EPOR: variants seen among roughly 807,000 people sequenced by gnomAD.
EPOR encodes erythropoietin receptor.
A neutral mutation model predicts 34.3 loss-of-function variants in EPOR; 20 were observed. The observed-to-expected ratio is 0.58, with a 90% CI of 0.41 to 0.85. The LOEUF (loss-of-function observed/expected upper bound fraction) is 0.85. EPOR is among the 40% of genes least tolerant of loss of function. The probability of loss-of-function intolerance (pLI) is 0.00; values close to 1 mark genes in which losing one functional copy is unlikely to be tolerated. For synonymous variants in EPOR, 312 were observed against 299.0 expected, an observed-to-expected ratio of 1.04 and a Z score of -0.45; for missense variants, 601 against 672.7, an observed-to-expected ratio of 0.89 and a Z score of 1.18.
At position 11,381,569 on chromosome 19, in the gene EPOR, G is replaced by A; in HGVS notation, c.585+123C>T. The stretch of plus-strand genomic sequence containing the variant: ...GGGCGTGGAACGGTCTTCAGCACCA[G>A]GGTAATGGGATGTGGGATGTTACGG... On this transcript the variant is annotated intron_variant, in intron 4 of 7. Transcript: ENST00000222139. This position sits in a 1 kb window ranked among gnomAD's most constrained non-coding sequence, Gnocchi z 5.3. 1 of 1,024,120 alleles carries A rather than the reference G, an allele frequency of 9.8e-7. No individual in the cohort carries two copies. Among genetic ancestry groups the A allele is most frequent in the Non-Finnish European group, 1.4e-6 (1 of 698,808 alleles). 63.4% of individuals were successfully genotyped at this position (1,024,120 alleles called of 1,614,324 possible). A position where few individuals can be genotyped will look rare whatever the true frequency, so the allele number is the denominator to read the frequency against.
At chr19:11,382,154 G>A (rs1568329909) in intron 2 of EPOR, 49 bp from the exon 3 acceptor site, 1 of 1,513,884 alleles carries the variant, frequency 6.6e-7, no homozygotes, top group South Asian at 1.1e-5. Flanking sequence ...CCGGGGAGTT[G>A]GCATTGCCCG....
Position 11,383,395 on chromosome 19 carries a change from C to A in EPOR, c.116-163G>T. Reference sequence around the variant, plus strand: ...CTTGGAGGGGTCCGCAGAGGTGGTGCCCCCCTAATTCCCAGGGGCAAGTTT... The same window carrying A: ...CTTGGAGGGGTCCGCAGAGGTGGTGACCCCCTAATTCCCAGGGGCAAGTTT... On this transcript the variant is annotated intron_variant, in intron 1 of 7. Transcript: ENST00000222139. This position sits in a 1 kb window ranked among gnomAD's most constrained non-coding sequence, Gnocchi z 4.9. 1.5e-6 allele frequency: 1 copy of A among 670,748 alleles called. No homozygotes were observed. The highest frequency in any genetic ancestry group is 2.4e-6 in the Non-Finnish European group (1 of 410,730). The allele number at this position is 670,748 out of a possible 1,614,324, so 41.5% of individuals were successfully genotyped here.
Position 11,378,372 on chromosome 19 carries a change from G to T in EPOR, c.1139C>A (p.Pro380Gln). The T allele has an allele frequency of 1.2e-6, 2 of 1,613,336 alleles. No homozygotes were observed. Among genetic ancestry groups the T allele is most frequent in the Non-Finnish European group, 1.7e-6 (2 of 1,180,002 alleles). Residue 380 changes from proline to glutamine, a missense_variant, in exon 8 of 8, where the codon CCG (proline) becomes CAG (glutamine). Transcript: ENST00000222139. This position sits in a 1 kb window ranked among gnomAD's most constrained non-coding sequence, Gnocchi z 5.3. ...AGGCCCTGGGAGGTCCTCACTGGGC[G>T]GGTTCCGGGGCAGCAACCATTTGTC... ...VLDKWLLPRNPPSEDLPGPGG... is the reference protein window; with the variant it reads ...VLDKWLLPRNQPSEDLPGPGG...
Position 11,381,718 on chromosome 19 carries a change from C to T in EPOR, c.559G>A (p.Gly187Ser), listed in dbSNP as rs775215856. The change falls in exon 4 of 8, where the codon GGC becomes AGC. Residue 187 changes from glycine (G) to serine (S), a missense_variant. By Grantham distance (56) the Gly-to-Ser change is moderately conservative. Coordinates refer to ENST00000222139, the MANE Select transcript of EPOR (RefSeq NM_000121.4). The surrounding 1 kb of genome is among the most constrained non-coding windows in gnomAD (Gnocchi z 5.3). ...HIRYEVDVSA[G>S]NGAGSVQRVE... ...CTCTGTACGCTCCCTGCGCCGTTGC[C>T]GGCCGAGACGTCCACCTCGTAGCGG... 1.9e-6 allele frequency: 3 copies of T among 1,610,688 alleles called. No homozygotes were observed. Among genetic ancestry groups the T allele is most frequent in the South Asian group, 1.1e-5 (1 of 90,434 alleles).
rs947377735 is a variant in EPOR at position 11,384,251 on chromosome 19, G to T, written c.-44C>A. ...GGGAGCCCAGGGCTCCTGCCCCTCC[G>T]TCCCCCGCCCCCGGCACAGTCCACA... On this transcript the variant is annotated 5_prime_UTR_variant, in exon 1 of 8. Transcript: ENST00000222139. The T allele has an allele frequency of 1.1e-5, 14 of 1,289,894 alleles. No homozygotes were observed. Among genetic ancestry groups the T allele is most frequent in the African/African-American group, 5.9e-5 (4 of 67,888 alleles). The allele number at this position is 1,289,894 out of a possible 1,614,324, so 79.9% of individuals were successfully genotyped here.
chr19:11,382,207 T>TTG (rs372002337), intron 2 of EPOR, 102 bp from the exon 3 acceptor site: 55 of 951,376 alleles, frequency 5.8e-5, no homozygotes, highest in East Asian at 3.4e-4. Context: ...AGGTCTAGCC[T>TTG]TGTGTGTGTG....
intron 2 of EPOR, chr19:11,382,802 A>T: frequency 2.9e-6 from 4 of 1,379,180 alleles, no homozygotes; most frequent in Non-Finnish European, 3.8e-6. Context: ...CCTTTTGGAT[A>T]CTACCTCGAG....
chr19:11,380,933 C>T lies in EPOR; in HGVS notation c.778G>A (p.Val260Met), dbSNP rs373709817. 3.2e-6 allele frequency: 5 copies of T among 1,551,862 alleles called. No individual in the cohort carries two copies. In the African/African-American group the frequency reaches 6.8e-5, roughly 21 times the overall value. Residue 260 changes from valine (V) to methionine (M), a missense_variant, in exon 6 of 8, where the codon GTG (valine) becomes ATG (methionine). Transcript: ENST00000222139. ...PLILTLSLIL[V>M]VILVLLTVLA... ...ACGGTCAGCAGCACCAGGATGACCA[C>T]GAGGATGAGGGAGAGCGTCAGGATG...
In EPOR at chr19:11,378,005, G is replaced by A; in HGVS notation, c.1506C>T (p.Pro502=). 1.2e-6 allele frequency: 2 copies of A among 1,614,076 alleles called. No homozygotes were observed. Among genetic ancestry groups the A allele is most frequent in the Middle Eastern group, 1.7e-4 (1 of 6,060 alleles). ...TGTCCTAAGAGCAAGCCACATAGCT[G>A]GGGGGCAGAGGCTCAGCGGCTGGGA... ...SLIPAAEPLP[P]SYVACS Residue 502 remains proline, a synonymous_variant, in exon 8 of 8, where the codon CCC becomes CCT. Coordinates refer to ENST00000222139, the MANE Select transcript of EPOR (RefSeq NM_000121.4). This position sits in a 1 kb window ranked among gnomAD's most constrained non-coding sequence, Gnocchi z 5.3.
intron 6 of EPOR, among the ~76,000 whole-genome samples, chr19:11,379,419 T>G (rs1968326453): frequency 6.6e-6 from 1 of 152,006 alleles, no homozygotes; most frequent in Admixed American, 6.6e-5. Flanking sequence ...CCGTCTCTAC[T>G]AAAACTACAA....
rs1047284588 is a variant in EPOR at position 11,383,276 on chromosome 19, A to G, written c.116-44T>C. 6 of 1,530,098 alleles carry G rather than the reference A, an allele frequency of 3.9e-6. No individual in the cohort carries two copies. The highest frequency in any genetic ancestry group is 1.9e-5 in the Admixed American group (1 of 51,290). The allele number at this position is 1,530,098 out of a possible 1,614,324, so 94.8% of individuals were successfully genotyped here. ...GGAAGGGCATGGGGGTCTGAGCTCT[A>G]TCCTCGGGAGACAGCCCCCTCCTCT... On this transcript the variant is annotated intron_variant, in intron 1 of 7. Coordinates refer to ENST00000222139, the MANE Select transcript of EPOR (RefSeq NM_000121.4). This position sits in a 1 kb window ranked among gnomAD's most constrained non-coding sequence, Gnocchi z 4.9.
At position 11,383,090 on chromosome 19, in the gene EPOR, G is replaced by T. The variant is rs199788179; in HGVS notation, c.251+7C>A. ...GCCCTTGGAGGCACCCGCCGGATCG[G>T]ACTCACTCGAGCTGGTAGGAGAAGC... On this transcript the variant is annotated splice_region_variant and intron_variant, in intron 2 of 7. Coordinates refer to ENST00000222139, the MANE Select transcript of EPOR (RefSeq NM_000121.4). This position sits in a 1 kb window ranked among gnomAD's most constrained non-coding sequence, Gnocchi z 4.9. 56 of 1,613,560 alleles carry T rather than the reference G, an allele frequency of 3.5e-5. No individual in the cohort carries two copies. In the East Asian group the frequency reaches 1.2e-3, roughly 35 times the overall value.
In EPOR at chr19:11,383,215, G is replaced by A. The variant is rs751506215; in HGVS notation, c.133C>T (p.Arg45Trp). The change falls in exon 2 of 8, where the codon CGG becomes TGG. Residue 45 changes from arginine (R) to tryptophan (W), a missense_variant. Arg to Trp is a moderately radical substitution (Grantham distance 101, BLOSUM62 -3). Coordinates refer to ENST00000222139, the MANE Select transcript of EPOR (RefSeq NM_000121.4). The surrounding 1 kb of genome is among the most constrained non-coding windows in gnomAD (Gnocchi z 4.9). ...AAGCACAGAAGCTCTTCGGGCCCCC[G>A]GGCCGCCAGCAAGGCCGCTGGGGAG... ...FESKAALLAA[R>W]GPEELLCFTE... The A allele has an allele frequency of 8.7e-6, 14 of 1,601,972 alleles. No homozygotes were observed. The highest frequency in any genetic ancestry group is 3.3e-4 in the Middle Eastern group (2 of 6,048).
Position 11,380,981 on chromosome 19 carries a change from G to A in EPOR, c.740-10C>T. 1.3e-6 allele frequency: 2 copies of A among 1,553,184 alleles called. No individual in the cohort carries two copies. The highest frequency in any genetic ancestry group is 1.7e-6 in the Non-Finnish European group (2 of 1,147,642). On this transcript the variant is annotated splice_polypyrimidine_tract_variant and intron_variant, in intron 5 of 7. Coordinates refer to ENST00000222139, the MANE Select transcript of EPOR (RefSeq NM_000121.4). ...ATGAGGGGGTCCAGGTCTAAGAGGCGGGGAGGAGGTCAGGGCGGTGGGCTT... is the reference window on the plus strand; with the variant it reads ...ATGAGGGGGTCCAGGTCTAAGAGGCAGGGAGGAGGTCAGGGCGGTGGGCTT...
intron 6 of EPOR, among the ~76,000 whole-genome samples, chr19:11,380,354 C>T (rs1968339058): frequency 6.6e-6 from 1 of 152,194 alleles, no homozygotes; most frequent in Non-Finnish European, 1.5e-5. Flanking sequence ...TTTGTATTTT[C>T]CAACCAAGTA....
In EPOR at chr19:11,378,702, C is replaced by T. The variant is rs1321784132; in HGVS notation, c.904G>A (p.Gly302Ser). The T allele has an allele frequency of 1.2e-6, 2 of 1,614,204 alleles. No homozygotes were observed. The highest frequency in any genetic ancestry group is 4.5e-5 in the East Asian group (2 of 44,894). Reference protein sequence around the residue: ...EFEGLFTTHKGNFQLWLYQND... With the variant: ...EFEGLFTTHKSNFQLWLYQND... The stretch of plus-strand genomic sequence containing the variant: ...ACCAGGCCACCTACCTGGAAGTTAC[C>T]CTTGTGGGTGGTGAAGAGGCCTTCA... The change falls in exon 7 of 8, where the codon GGT becomes AGT. Residue 302 changes from glycine to serine, a missense_variant. Gly to Ser is a moderately conservative substitution (Grantham distance 56). Transcript: ENST00000222139. The surrounding 1 kb of genome is among the most constrained non-coding windows in gnomAD (Gnocchi z 5.3).
rs1455528404 is a variant in EPOR, at chr19:11,379,310, G to A, written c.828-532C>T. ...TTAGGATAAAATCCAAGCCAGGCAC[G>A]GTGGCTCATGCCTATAATCCCAGCA... On this transcript the variant is annotated intron_variant, in intron 6 of 7. Transcript: ENST00000222139. 6.6e-5 allele frequency among the ~76,000 whole-genome samples: 10 copies of A among 152,196 alleles called. No homozygotes were observed. The East Asian group carries it at 7.7e-4, about 12-fold the overall frequency.
intron 2 of EPOR, chr19:11,382,850 C>T (rs1486165723): frequency 5.4e-6 from 8 of 1,493,660 alleles, no homozygotes; most frequent in Admixed American, 2.0e-5. Flanking sequence ...GCCTTACCCT[C>T]GATTTGGAGG....
In EPOR at chr19:11,381,856, G is replaced by C; in HGVS notation, c.428-7C>G. On this transcript the variant is annotated splice_region_variant and splice_polypyrimidine_tract_variant and intron_variant, in intron 3 of 7. Transcript: ENST00000222139. The surrounding 1 kb of genome is among the most constrained non-coding windows in gnomAD (Gnocchi z 5.3). ...ACGGGGGCGTCTAGGAGCACTGCAG[G>C]CATGGGGGTTGGTCAGGTGGGCGAG... 3 of 1,614,160 alleles carry C rather than the reference G, an allele frequency of 1.9e-6. No individual in the cohort carries two copies. Among genetic ancestry groups the C allele is most frequent in the Non-Finnish European group, 2.5e-6 (3 of 1,179,988 alleles).
Sources: allele counts gnomAD v4.1 joint callset (sites outside exome capture counted in the v4.1 genomes callset), GRCh38; gene constraint gnomAD v4.1.1; non-coding constraint Gnocchi (gnomAD v3.1); transcripts MANE v1.5; gene names NCBI Gene and HGNC (gene_info 2026-07-23, HGNC 2026-07-21).